Variants in CLUH observed in about 807,000 individuals in gnomAD.
The protein encoded by CLUH is clustered mitochondria protein homolog.
A neutral mutation model predicts 139.3 loss-of-function variants in CLUH; 77 were observed. The ratio of observed to expected loss-of-function variants is 0.55; its 90% CI spans 0.46 to 0.67. The LOEUF (loss-of-function observed/expected upper bound fraction) is 0.67. Ranked by LOEUF, CLUH falls within the 30% of genes least tolerant of loss-of-function variation. CLUH has a pLI of 0.00. For missense variants in CLUH, 1,876 were observed against 1,875.8 expected, an observed-to-expected ratio of 1.00 and a Z score of 0.00; for synonymous variants, 999 against 801.6, an observed-to-expected ratio of 1.25 and a Z score of -4.16.
At chr17:2,696,002 G>A (rs565568636) in intron 13 of CLUH, 157 bp downstream of exon 13, 62 of 643,716 alleles carry the variant, frequency 9.6e-5, no homozygotes, top group African/African-American at 8.2e-4. Flanking sequence ...GACCTCTGGG[G>A]GTCAGGCTCC....
At position 2,690,305 on chromosome 17, in the gene CLUH, A is replaced by C; in HGVS notation, c.*289T>G. ...GGGCGCACTCGCACACGCCGGCCGG[A>C]CGGCGGGGGCCGAAGCAACACCTGC... On this transcript the variant is annotated 3_prime_UTR_variant, in exon 26 of 26. Coordinates refer to ENST00000651024, the MANE Select transcript of CLUH (RefSeq NM_001366661.1). 2.6e-6 allele frequency: 1 copy of C among 378,732 alleles called. No homozygotes were observed. Among genetic ancestry groups the C allele is most frequent in the Non-Finnish European group, 4.7e-6 (1 of 212,604 alleles). The allele number at this position is 378,732 out of a possible 1,614,324, so 23.5% of individuals were successfully genotyped here.
At chr17:2,709,197 G>A (rs2070440774) in intron 1 of CLUH, among the ~76,000 whole-genome samples, 1 of 152,166 alleles carries the variant, frequency 6.6e-6, no homozygotes, top group East Asian at 1.9e-4. Flanking sequence ...TCACTCAGAA[G>A]ACTGTGCCAG....
rs2070372750 is a variant in CLUH at position 2,707,081 on chromosome 17, C to A, written c.101-2517G>T. On this transcript the variant is annotated intron_variant, in intron 1 of 25. Transcript: ENST00000651024. The surrounding 1 kb of genome is among the most constrained non-coding windows in gnomAD (Gnocchi z 7.4). ...GCATGTTTTACCCTAATCCTTCCTC[C>A]TAGGAACCCCGAAGGTCTCCCCACC... 1 of 741,014 alleles carries A rather than the reference C, an allele frequency of 1.3e-6. No homozygotes were observed. Among genetic ancestry groups the A allele is most frequent in the South Asian group, 6.0e-5 (1 of 16,600 alleles). The allele number at this position is 741,014 out of a possible 1,614,324, so 45.9% of individuals were successfully genotyped here.
In CLUH at chr17:2,693,141, C is replaced by CAAA. The variant is rs71377528; in HGVS notation, c.3232-284_3232-282dup. ...AAACCTAAAACTACTAAAAATGTTA[C>CAAA]AAAAAAAAAAAAAAAGCCTGAGCAG... On this transcript the variant is annotated intron_variant, in intron 19 of 25. Transcript: ENST00000651024. 9.5e-5 allele frequency among the ~76,000 whole-genome samples: 7 copies of CAAA among 73,784 alleles called. 1 individual carries two copies. Among genetic ancestry groups the CAAA allele is most frequent in the African/African-American group, 1.2e-4 (2 of 16,634 alleles). 48.4% of individuals were successfully genotyped at this position (73,784 alleles called of 152,430 possible). A position where few individuals can be genotyped will look rare whatever the true frequency, so the allele number is the denominator to read the frequency against.
rs2069546255 is a variant in CLUH, at chr17:2,689,688, C to T, written c.*906G>A. 1 of 152,912 alleles carries T rather than the reference C, an allele frequency of 6.5e-6. No individual in the cohort carries two copies. Among genetic ancestry groups the T allele is most frequent in the Admixed American group, 6.5e-5 (1 of 15,296 alleles). The allele number at this position is 152,912 out of a possible 1,614,324, so 9.5% of individuals were successfully genotyped here. A position where few individuals can be genotyped will look rare whatever the true frequency, so the allele number is the denominator to read the frequency against. On this transcript the variant is annotated 3_prime_UTR_variant, in exon 26 of 26. Transcript: ENST00000651024. ...AGCAGCGTGTGGGGGCCCCCGCCAC[C>T]CCCAGAGCTAGTCTCAGACCAGGAA...
chr17:2,690,835 G>T, intron 25 of CLUH, 58 bp from the exon 26 acceptor site: 1 of 1,324,148 alleles, frequency 7.6e-7, no homozygotes, highest in Admixed American at 2.9e-5. Flanking sequence ...GGCTCCACCC[G>T]CCTCCCGGCT....
Position 2,706,682 on chromosome 17 carries a change from G to A in CLUH, c.101-2118C>T, listed in dbSNP as rs2070360130. Among the ~76,000 whole-genome samples the A allele has an allele frequency of 6.6e-6, 1 of 152,056 alleles. No individual in the cohort carries two copies. Among genetic ancestry groups the A allele is most frequent in the African/African-American group, 2.4e-5 (1 of 41,376 alleles). On this transcript the variant is annotated intron_variant, in intron 1 of 25. Transcript: ENST00000651024. The surrounding 1 kb of genome is among the most constrained non-coding windows in gnomAD (Gnocchi z 4.6). ...AGAAAGACAGCCGGGGCGGTGGTCG[G>A]TCAGCTTGCAAACAGCAAGAGGCAG...
rs1032429130 is a variant in CLUH at position 2,704,219 on chromosome 17, T to C, written c.303+143A>G. 7.0e-6 allele frequency: 6 copies of C among 856,990 alleles called. No homozygotes were observed. The highest frequency in any genetic ancestry group is 8.8e-6 in the Non-Finnish European group (5 of 566,380). 53.1% of individuals were successfully genotyped at this position (856,990 alleles called of 1,614,324 possible). On this transcript the variant is annotated intron_variant, in intron 2 of 25. Coordinates refer to ENST00000651024, the MANE Select transcript of CLUH (RefSeq NM_001366661.1). The surrounding 1 kb of genome is among the most constrained non-coding windows in gnomAD (Gnocchi z 5.7). ...CGATTCCCACGTCCACCACGCTAGC[T>C]GAGTGACTCTAGGGAGGGCACGGGA... is the stretch of plus-strand genomic sequence containing the variant.
intron 13 of CLUH, chr17:2,695,930 C>T: frequency 6.7e-6 from 4 of 594,272 alleles, no homozygotes; most frequent in Non-Finnish European, 1.2e-5. Context: ...CCATCCAGGG[C>T]TCAGAAGACT....
At chr17:2,705,779 A>G (rs2070332518) in intron 1 of CLUH, among the ~76,000 whole-genome samples, 1 of 152,184 alleles carries the variant, frequency 6.6e-6, no homozygotes, top group South Asian at 2.1e-4. Context: ...GCTACATCCA[A>G]TATTTGAAGA....
rs2070046348 is a variant in CLUH, at chr17:2,698,351, C to T, written c.1506G>A (p.Val502=). ...NGVRTYNAVD[V]EGLYTLGTVV... ...CCGTGCCCAGCGTGTACAGCCCCTCCACGTCCACCGCGTTGTACGTGCGGA... is the reference window on the plus strand; with the variant it reads ...CCGTGCCCAGCGTGTACAGCCCCTCTACGTCCACCGCGTTGTACGTGCGGA... The change falls in exon 10 of 26, where the codon GTG becomes GTA. Residue 502 remains valine (V), a synonymous_variant. Coordinates refer to ENST00000651024, the MANE Select transcript of CLUH (RefSeq NM_001366661.1). The T allele has an allele frequency of 6.2e-7, 1 of 1,613,214 alleles. No homozygotes were observed. The highest frequency in any genetic ancestry group is 8.5e-7 in the Non-Finnish European group (1 of 1,179,786).
intron 25 of CLUH, 82 bp from the exon 26 acceptor site, chr17:2,690,859 A>C: frequency 8.6e-7 from 1 of 1,165,512 alleles, no homozygotes; most frequent in South Asian, 1.9e-5. Flanking sequence ...CTGTGGGATA[A>C]GCTCAGGCTC....
At chr17:2,696,982 C>T (rs765424993) in intron 10 of CLUH, 40 bp from the exon 11 acceptor site, 25 of 1,449,900 alleles carry the variant, frequency 1.7e-5, no homozygotes, top group South Asian at 9.8e-5. Flanking sequence ...AGCTGGACAT[C>T]GGGGAGAGGA....
Position 2,703,311 on chromosome 17 carries a change from GACCA to G in CLUH, c.475+3_475+6del. The G allele has an allele frequency of 6.2e-7, 1 of 1,605,966 alleles. No homozygotes were observed. The highest frequency in any genetic ancestry group is 2.2e-5 in the East Asian group (1 of 44,472). On this transcript the variant is annotated splice_donor_5th_base_variant and intron_variant, in intron 3 of 25. Transcript: ENST00000651024. This position sits in a 1 kb window ranked among gnomAD's most constrained non-coding sequence, Gnocchi z 4.2. ...CCCCGGGCAGGCTGTCCAACTTCCAGACCAACCTTCCACCACACGCAGCACAGAG... is the reference window on the plus strand; with the variant it reads ...CCCCGGGCAGGCTGTCCAACTTCCAGACCTTCCACCACACGCAGCACAGAG...
intron 19 of CLUH, 52 bp downstream of exon 19, chr17:2,693,848 C>G: frequency 6.4e-7 from 1 of 1,556,700 alleles, no homozygotes; most frequent in Admixed American, 1.9e-5. Flanking sequence ...CCCCCTCACT[C>G]CCCATCCCCC....
chr17:2,698,214 G>A lies in CLUH; in HGVS notation c.1643C>T (p.Thr548Ile), dbSNP rs1174610097. 4 of 1,583,574 alleles carry A rather than the reference G, an allele frequency of 2.5e-6. No individual in the cohort carries two copies. The highest frequency in any genetic ancestry group is 2.3e-5 in the East Asian group (1 of 42,882). ...VIYGSIDFGK[T>I]VVSHPRYLEL... is the part of the protein sequence containing the mutation. Reference sequence around the variant, plus strand: ...CAGGTACCGCGGGTGTGACACCACGGTCTTGCCGAAGTCGATGGAGCCGTA... The same window carrying A: ...CAGGTACCGCGGGTGTGACACCACGATCTTGCCGAAGTCGATGGAGCCGTA... The change falls in exon 10 of 26, where the codon ACC becomes ATC. Residue 548 changes from threonine to isoleucine, a missense_variant. Physicochemically the swap from Thr to Ile is moderately conservative, Grantham distance 89. This residue lies in a region of CLUH where 1,454 missense variants were observed against 1,384.4 expected (regional missense o/e 1.05). Coordinates refer to ENST00000651024, the MANE Select transcript of CLUH (RefSeq NM_001366661.1).
Position 2,698,352 on chromosome 17 carries a change from A to G in CLUH, c.1505T>C (p.Val502Ala), listed in dbSNP as rs1273436641. The change falls in exon 10 of 26, where the codon GTG becomes GCG. Residue 502 changes from valine to alanine, a missense_variant. Around this residue, in one of 3 missense-constraint regions of CLUH, gnomAD observed 1,454 missense variants for 1,384.4 expected, o/e 1.05. Transcript: ENST00000651024. ...NGVRTYNAVD[V>A]EGLYTLGTVV... ...CGTGCCCAGCGTGTACAGCCCCTCC[A>G]CGTCCACCGCGTTGTACGTGCGGAC... is the stretch of plus-strand genomic sequence containing the variant. The G allele has an allele frequency of 1.2e-6, 2 of 1,612,786 alleles. No individual in the cohort carries two copies.
intron 1 of CLUH, chr17:2,711,304 C>G (rs1488091394): frequency 1.3e-5 from 2 of 152,166 alleles, no homozygotes; most frequent in East Asian, 3.9e-4. Flanking sequence ...CACGTGTCCC[C>G]GCGATGAGGC....
In CLUH at chr17:2,703,546, G is replaced by A; in HGVS notation, c.304-57C>T. 2 of 1,559,344 alleles carry A rather than the reference G, an allele frequency of 1.3e-6. No homozygotes were observed. The highest frequency in any genetic ancestry group is 8.7e-7 in the Non-Finnish European group (1 of 1,143,210). ...AGAGAGCACGTAGCGGGGAGAGAAGGCCCCAACCGCCCCGGTGAGAGGCCA... is the reference window on the plus strand; with the variant it reads ...AGAGAGCACGTAGCGGGGAGAGAAGACCCCAACCGCCCCGGTGAGAGGCCA... On this transcript the variant is annotated intron_variant, in intron 2 of 25. Coordinates refer to ENST00000651024, the MANE Select transcript of CLUH (RefSeq NM_001366661.1). This position sits in a 1 kb window ranked among gnomAD's most constrained non-coding sequence, Gnocchi z 4.2.
Sources: gnomAD v4.1 joint callset for allele counts (sites outside exome capture counted in the v4.1 genomes callset) on GRCh38, gnomAD v4.1.1 for gene constraint, gnomAD v4.1.1 regional missense constraint, Gnocchi (gnomAD v3.1) non-coding constraint, MANE v1.5 for transcripts, NCBI Gene and HGNC (gene_info 2026-07-23, HGNC 2026-07-21) for gene names.